Variants in MUC5B observed in about 807,000 individuals in gnomAD.
MUC5B encodes the protein mucin 5B, oligomeric mucus/gel-forming, also known as mucin-5B.
In MUC5B, 116 loss-of-function variants were observed where a neutral mutation model predicts 376.9. That is an observed-to-expected ratio of 0.31 (90% CI 0.26 to 0.36). The LOEUF (loss-of-function observed/expected upper bound fraction) is 0.36. MUC5B is among the 10% of genes least tolerant of loss of function. The pLI is 1.00. For missense variants in MUC5B, 7,165 were observed against 7,769.9 expected, an observed-to-expected ratio of 0.92 and a Z score of 2.93; for synonymous variants, 3,517 against 3,390.9, an observed-to-expected ratio of 1.04 and a Z score of -1.29.
rs1187161898 is a variant in MUC5B at position 1,249,379 on chromosome 11, G to A, written c.12499G>A (p.Glu4167Lys). The change falls in exon 31 of 49, where the codon GAG becomes AAG. Residue 4167 changes from glutamate to lysine, a missense_variant. By Grantham distance (56) the Glu-to-Lys change is moderately conservative (BLOSUM62 1). Transcript: ENST00000529681. Reference protein sequence around the residue: ...NIRAAGGAVCEQPLGLECRAQ... With the variant: ...NIRAAGGAVCKQPLGLECRAQ... ...CCGTGCGGCCGGAGGGGCCGTCTGT[G>A]AGCAGCCCCTGGGCCTCGAGTGCCG... The A allele has an allele frequency of 1.9e-6, 3 of 1,611,024 alleles. No homozygotes were observed. The highest frequency in any genetic ancestry group is 2.5e-6 in the Non-Finnish European group (3 of 1,179,608).
intron 30 of MUC5B, 139 bp from the exon 31 acceptor site, chr11:1,240,712 C>A: frequency 1.2e-6 from 1 of 834,412 alleles, no homozygotes; most frequent in Non-Finnish European, 1.8e-6. Context: ...CTAACCAAGG[C>A]TGAGGCAGGC....
Position 1,241,683 on chromosome 11 carries a change from C to T in MUC5B, c.4803C>T (p.Asp1601=). Reference sequence around the variant, plus strand: ...TCCGGGTCCTCTGCTGCAGTGACGACCACTGCAGGGGACGTGCCACAACCC... The same window carrying T: ...TCCGGGTCCTCTGCTGCAGTGACGATCACTGCAGGGGACGTGCCACAACCC... ...YRIRVLCCSD[D]HCRGRATTPP... The change falls in exon 31 of 49, where the codon GAC becomes GAT. Residue 1601 remains aspartate, a synonymous_variant. Coordinates refer to ENST00000529681, the MANE Select transcript of MUC5B (RefSeq NM_002458.3). The T allele has an allele frequency of 6.2e-7, 1 of 1,612,384 alleles. No individual in the cohort carries two copies.
rs377193613 is a variant in MUC5B at position 1,261,824 on chromosome 11, A to G, written c.*216A>G. ...CGGGAGGGCGCCACTCAGGAGTCCT[A>G]CCCTGGGAGAGCCTGTGGCCCACCT... On this transcript the variant is annotated 3_prime_UTR_variant, in exon 49 of 49. Transcript: ENST00000529681. The G allele has an allele frequency of 2.1e-5, 15 of 699,458 alleles. No homozygotes were observed. The highest frequency in any genetic ancestry group is 2.3e-4 in the Middle Eastern group (1 of 4,286). The allele number at this position is 699,458 out of a possible 1,614,324, so 43.3% of individuals were successfully genotyped here.
chr11:1,229,593 C>A, intron 9 of MUC5B, 97 bp from the exon 10 acceptor site: 3 of 1,115,330 alleles, frequency 2.7e-6, no homozygotes, highest in Non-Finnish European at 3.8e-6. Context: ...AGCAGGAATT[C>A]CTCCCCAAGG....
chr11:1,230,268 T>A, intron 11 of MUC5B, 125 bp downstream of exon 11: 4 of 1,339,568 alleles, frequency 3.0e-6, no homozygotes, highest in Non-Finnish European at 3.0e-6. Flanking sequence ...GGGGGAGCCC[T>A]GGGTCCCCAT....
At chr11:1,229,114 C>A in intron 8 of MUC5B, 56 bp from the exon 9 acceptor site, 1 of 1,482,800 alleles carries the variant, frequency 6.7e-7, no homozygotes. Flanking sequence ...CTGGGGCTGA[C>A]CACACGGGCA....
intron 22 of MUC5B, 30 bp downstream of exon 22, chr11:1,235,253 G>A: frequency 1.9e-6 from 3 of 1,610,882 alleles, no homozygotes; most frequent in South Asian, 1.1e-5. Flanking sequence ...ACTCCTGCAG[G>A]CCGGGCACAC....
At chr11:1,225,576 C>A in intron 1 of MUC5B, 105 bp from the exon 2 acceptor site, 1 of 1,025,402 alleles carries the variant, frequency 9.8e-7, no homozygotes, top group Non-Finnish European at 1.4e-6. Flanking sequence ...CACCAAGGAC[C>A]CCACATGCGG....
Position 1,252,980 on chromosome 11 carries a change from T to G in MUC5B, c.15217T>G (p.Cys5073Gly). 6.2e-7 allele frequency: 1 copy of G among 1,611,880 alleles called. No homozygotes were observed. The highest frequency in any genetic ancestry group is 8.5e-7 in the Non-Finnish European group (1 of 1,179,722). The change falls in exon 33 of 49, where the codon TGC becomes GGC. Residue 5073 changes from cysteine (C) to glycine (G), a missense_variant and splice_region_variant. By Grantham distance (159) the Cys-to-Gly change is radical (BLOSUM62 -3). This residue lies in a region of MUC5B where 842 missense variants were observed against 1,016.9 expected (regional missense o/e 0.83). Coordinates refer to ENST00000529681, the MANE Select transcript of MUC5B (RefSeq NM_002458.3). ...CTGTGACTTCCACTATGAGTGCGAG[T>G]GTGAGTGCGTCGGTGGCCGCGGGAT... is the stretch of plus-strand genomic sequence containing the variant. ...QPCDFHYECE[C>G]ICSMWGGSHY...
In MUC5B at chr11:1,243,697, C is replaced by T. The variant is rs751452407; in HGVS notation, c.6817C>T (p.Pro2273Ser). 4 of 1,611,440 alleles carry T rather than the reference C, an allele frequency of 2.5e-6. No homozygotes were observed. Among genetic ancestry groups the T allele is most frequent in the South Asian group, 1.1e-5 (1 of 90,966 alleles). ...ESPPSPGTTT[P>S]GHTTATSRTT... ...ACCCCCTTCTCCAGGGACGACCACC[C>T]CGGGCCACACCACGGCCACCTCCAG... Residue 2273 changes from proline to serine, a missense_variant, in exon 31 of 49, where the codon CCG (proline) becomes TCG (serine). Transcript: ENST00000529681.
intron 14 of MUC5B, 85 bp downstream of exon 14, chr11:1,231,645 AGGCGGGCAGG>A (rs1862031637): frequency 7.0e-7 from 1 of 1,426,282 alleles, no homozygotes; most frequent in East Asian, 2.5e-5. Context: ...GGGCAGGCAG[AGGCGGGCAGG>A]GGACCGGGGA....
Position 1,247,517 on chromosome 11 carries a change from G to C in MUC5B, c.10637G>C (p.Ser3546Thr). 6.2e-7 allele frequency: 1 copy of C among 1,609,310 alleles called. No individual in the cohort carries two copies. The highest frequency in any genetic ancestry group is 8.5e-7 in the Non-Finnish European group (1 of 1,178,220). ...AGGACCACAGCCACAGCCACACCCAGCAAGACCCGCACCTCGACCCTGCTG... is the reference window on the plus strand; with the variant it reads ...AGGACCACAGCCACAGCCACACCCACCAAGACCCGCACCTCGACCCTGCTG... ...TSRTTATATP[S>T]KTRTSTLLPS... Residue 3546 changes from serine (S) to threonine (T), a missense_variant, in exon 31 of 49, where the codon AGC becomes ACC. Around this residue, in one of 31 missense-constraint regions of MUC5B, gnomAD observed 939 missense variants for 770.6 expected, o/e 1.22. Transcript: ENST00000529681.
chr11:1,247,097 C>T lies in MUC5B; in HGVS notation c.10217C>T (p.Pro3406Leu). 6 of 1,563,790 alleles carry T rather than the reference C, an allele frequency of 3.8e-6. No individual in the cohort carries two copies. The highest frequency in any genetic ancestry group is 5.2e-6 in the Non-Finnish European group (6 of 1,154,512). The change falls in exon 31 of 49, where the codon CCC becomes CTC. Residue 3406 changes from proline (P) to leucine (L), a missense_variant. Around this residue, in one of 31 missense-constraint regions of MUC5B, gnomAD observed 939 missense variants for 770.6 expected, o/e 1.22. Coordinates refer to ENST00000529681, the MANE Select transcript of MUC5B (RefSeq NM_002458.3). The stretch of plus-strand genomic sequence containing the variant: ...ACAGCCACCGGCTCCACCACCAACC[C>T]CTCCTCAACTCCAGGGACAACTCCC... ...TITATGSTTNPSSTPGTTPIP... is the reference protein window; with the variant it reads ...TITATGSTTNLSSTPGTTPIP...
intron 30 of MUC5B, 119 bp downstream of exon 30, chr11:1,240,494 G>T: frequency 1.0e-6 from 1 of 993,842 alleles, no homozygotes. Context: ...TGACCTTCCG[G>T]GCTCTGTCTA....
chr11:1,227,324 A>C lies in MUC5B; in HGVS notation c.593A>C (p.Lys198Thr). 2.5e-6 allele frequency: 4 copies of C among 1,612,734 alleles called. No individual in the cohort carries two copies. The highest frequency in any genetic ancestry group is 3.4e-6 in the Non-Finnish European group (4 of 1,179,746). ...CACTCTCAGCTGGAGCTGGATCCCA[A>C]ATACGCCAACCAGACCTGTGGCCTG... ...EDSALLELDPKYANQTCGLCG... is the reference protein window; with the variant it reads ...EDSALLELDPTYANQTCGLCG... The change falls in exon 6 of 49, where the codon AAA becomes ACA. Residue 198 changes from lysine to threonine, a missense_variant. By Grantham distance (78) the Lys-to-Thr change is moderately conservative. This residue lies in a region of MUC5B where 640 missense variants were observed against 733.0 expected (regional missense o/e 0.87). Coordinates refer to ENST00000529681, the MANE Select transcript of MUC5B (RefSeq NM_002458.3).
rs762775148 is a variant in MUC5B at position 1,223,405 on chromosome 11, G to A, written c.70+212G>A. 1.4e-4 allele frequency: 94 copies of A among 675,314 alleles called. 3 individuals are homozygous for A. The highest frequency in any genetic ancestry group is 1.4e-3 in the South Asian group (89 of 65,804). The allele number at this position is 675,314 out of a possible 1,614,324, so 41.8% of individuals were successfully genotyped here. ...AGGAAACTCAGGGGCTGGCTTGGAT[G>A]GGGTGTCCAGGAGAAGGTGGGCCCC... On this transcript the variant is annotated intron_variant, in intron 1 of 48. Coordinates refer to ENST00000529681, the MANE Select transcript of MUC5B (RefSeq NM_002458.3).
chr11:1,238,521 G>C (rs915075143), intron 25 of MUC5B, among the ~76,000 whole-genome samples: 1 of 152,212 alleles, frequency 6.6e-6, no homozygotes, highest in Non-Finnish European at 1.5e-5. Flanking sequence ...TTTGAAACCT[G>C]TGGGCCACAT....
Position 1,252,443 on chromosome 11 carries a change from C to T in MUC5B, c.14964C>T (p.Thr4988=). Reference sequence around the variant, plus strand: ...ACCGCTTCCAGGGCGCCTGTCCCACCTCCCCACCGCCAGTGTCCTCCGCCC... The same window carrying T: ...ACCGCTTCCAGGGCGCCTGTCCCACTTCCCCACCGCCAGTGTCCTCCGCCC... ...DIDRFQGACP[T]SPPPVSSAPL... is the part of the protein sequence containing the mutation. Residue 4988 remains threonine (T), a synonymous_variant, in exon 32 of 49, where the codon ACC becomes ACT. Coordinates refer to ENST00000529681, the MANE Select transcript of MUC5B (RefSeq NM_002458.3). 1.2e-6 allele frequency: 2 copies of T among 1,610,836 alleles called. No homozygotes were observed. Among genetic ancestry groups the T allele is most frequent in the Non-Finnish European group, 8.5e-7 (1 of 1,178,870 alleles).
chr11:1,242,837 C>A lies in MUC5B; in HGVS notation c.5957C>A (p.Ser1986Tyr), dbSNP rs770096939. The A allele has an allele frequency of 1.9e-6, 3 of 1,613,446 alleles. No homozygotes were observed. In the South Asian group the frequency reaches 3.3e-5, roughly 18 times the overall value. ...ACCAGCGTTACACCCATCCCCTCTTCCTCCCTGGGCACCACCTGGACCCGC... is the reference window on the plus strand; with the variant it reads ...ACCAGCGTTACACCCATCCCCTCTTACTCCCTGGGCACCACCTGGACCCGC... ...TATSVTPIPSSSLGTTWTRLS... is the reference protein window; with the variant it reads ...TATSVTPIPSYSLGTTWTRLS... Residue 1986 changes from serine to tyrosine, a missense_variant, in exon 31 of 49, where the codon TCC (serine) becomes TAC (tyrosine). By Grantham distance (144) the Ser-to-Tyr change is moderately radical. Around this residue, in one of 31 missense-constraint regions of MUC5B, gnomAD observed 897 missense variants for 779.6 expected, o/e 1.15. Coordinates refer to ENST00000529681, the MANE Select transcript of MUC5B (RefSeq NM_002458.3).
Sources: gnomAD v4.1 joint callset for allele counts (sites outside exome capture counted in the v4.1 genomes callset) on GRCh38, gnomAD v4.1.1 for gene constraint, gnomAD v4.1.1 regional missense constraint, MANE v1.5 for transcripts, NCBI Gene and HGNC (gene_info 2026-07-23, HGNC 2026-07-21) for gene names.